The following ABI2 variants were observed in gnomAD, a reference collection of about 807,000 sequenced individuals.
ABI2 encodes abl interactor 2.
Under a neutral mutation model 59.2 loss-of-function variants are expected in ABI2, and 25 were observed. The observed-to-expected ratio is 0.42, with a 90% confidence interval of 0.31 to 0.59. ABI2 has a LOEUF of 0.59. ABI2 is among the 20% of genes least tolerant of loss of function. The pLI is 0.14. For synonymous variants in ABI2, 213 were observed against 235.5 expected (o/e 0.90, Z 0.87); for missense variants, 545 against 681.8 (o/e 0.80, Z 2.23).
At chr2:203,421,401 C>A (rs765713258) in intron 11 of ABI2, among the ~76,000 whole-genome samples, 1 of 152,196 alleles carries the variant, frequency 6.6e-6, no homozygotes, top group Admixed American at 6.5e-5. Flanking sequence ...GATGTATCAT[C>A]AAGGTCTTTC....
At chr2:203,379,649 G>A (rs76803878) in intron 2 of ABI2, among the ~76,000 whole-genome samples, 3,957 of 152,150 alleles carry the variant, frequency 0.026, 169 homozygotes, top group African/African-American at 0.089. Context: ...ATTAATTTCG[G>A]GGGCTTTCTT....
At chr2:203,359,582 T>G (rs978333611) in intron 1 of ABI2, among the ~76,000 whole-genome samples, 1 of 152,230 alleles carries the variant, frequency 6.6e-6, no homozygotes, top group Non-Finnish European at 1.5e-5. Context: ...TGGGGTAACT[T>G]AGCAGAGATT....
intron 2 of ABI2, among the ~76,000 whole-genome samples, chr2:203,371,581 C>G (rs894269688): frequency 1.3e-5 from 2 of 152,106 alleles, no homozygotes; most frequent in Non-Finnish European, 2.9e-5. Flanking sequence ...TCATCTCTAG[C>G]TTTGTTGCTG....
At chr2:203,353,390 C>T (rs528304797) in intron 1 of ABI2, among the ~76,000 whole-genome samples, 31 of 152,274 alleles carry the variant, frequency 2.0e-4, no homozygotes, top group Non-Finnish European at 3.4e-4. Context: ...TTATTTTCAA[C>T]GTTGCAGTTT....
intron 2 of ABI2, among the ~76,000 whole-genome samples, chr2:203,373,853 A>C (rs1290219613): frequency 2.0e-5 from 3 of 152,198 alleles, no homozygotes; most frequent in Non-Finnish European, 2.9e-5. Flanking sequence ...CAAGTAGGGT[A>C]GCTTTTACTG....
intron 1 of ABI2, among the ~76,000 whole-genome samples, chr2:203,358,107 GTGTGTGTT>G (rs1371546036): frequency 6.3e-4 from 91 of 145,198 alleles, no homozygotes; most frequent in Non-Finnish European, 9.5e-4. Flanking sequence ...GTGTGTGTGT[GTGTGTGTT>G]TGTTTGTTTG....
At chr2:203,344,707 A>G (rs1463527660) in intron 1 of ABI2, among the ~76,000 whole-genome samples, 1 of 151,924 alleles carries the variant, frequency 6.6e-6, no homozygotes, top group Non-Finnish European at 1.5e-5. Context: ...AGGATTGTAA[A>G]CACACCAAAC....
At chr2:203,403,436 T>C (rs1204232711) in intron 9 of ABI2, 1 of 154,800 alleles carries the variant, frequency 6.5e-6, no homozygotes, top group Non-Finnish European at 1.5e-5. Context: ...CCTCTCATAC[T>C]GGGTTCAACT....
chr2:203,344,724 CTG>C lies in ABI2; in HGVS notation c.117+16097_117+16098del, dbSNP rs576109755. On this transcript the variant is annotated intron_variant, in intron 1 of 11. Coordinates refer to ENST00000261018, the MANE Select transcript of ABI2 (RefSeq NM_001375670.1). ...GATTGTAAACACACCAAACAGTGCT[CTG>C]TGTCTAGCTAAAGGTTTGTAAGCGC... is the stretch of plus-strand genomic sequence containing the variant. Among the ~76,000 whole-genome samples the C allele has an allele frequency of 1.6e-4, 24 of 152,208 alleles. 1 individual carries two copies. The South Asian group carries it at 5.0e-3, about 32-fold the overall frequency.
rs78578399 is a variant in ABI2 at position 203,424,412 on chromosome 2, CT to C, written c.1454-2763del. ...AAAATGAATATTCATTTAAAAATTA[CT>C]TATCAGGGTCTCGTTCTGTCACCTG... On this transcript the variant is annotated intron_variant, in intron 11 of 11. Coordinates refer to ENST00000261018, the MANE Select transcript of ABI2 (RefSeq NM_001375670.1). Among the ~76,000 whole-genome samples, 16 of 152,180 alleles carry C rather than the reference CT, an allele frequency of 1.1e-4. No homozygotes were observed. In the East Asian group the frequency reaches 3.1e-3, roughly 29 times the overall value.
intron 1 of ABI2, among the ~76,000 whole-genome samples, chr2:203,344,711 A>T (rs2082113947): frequency 6.6e-6 from 1 of 152,036 alleles, no homozygotes; most frequent in Non-Finnish European, 1.5e-5. Context: ...TTGTAAACAC[A>T]CCAAACAGTG....
chr2:203,407,303 C>T (rs2097467179), intron 9 of ABI2, among the ~76,000 whole-genome samples: 1 of 152,112 alleles, frequency 6.6e-6, no homozygotes, highest in Non-Finnish European at 1.5e-5. Flanking sequence ...TTGTTTATTT[C>T]CTTCACTGGG....
intron 2 of ABI2, among the ~76,000 whole-genome samples, chr2:203,376,738 T>C (rs1223510609): frequency 1.3e-5 from 2 of 150,260 alleles, no homozygotes; most frequent in Middle Eastern, 3.2e-3. Context: ...CTTCCCTTTT[T>C]TTTTTTTTTT....
chr2:203,370,294 C>T (rs1487597110), intron 2 of ABI2, among the ~76,000 whole-genome samples: 1 of 148,506 alleles, frequency 6.7e-6, no homozygotes, highest in Non-Finnish European at 1.5e-5. Flanking sequence ...CATGATGTTG[C>T]CCAGGGTGGT....
At chr2:203,358,465 A>C (rs1250753408) in intron 1 of ABI2, among the ~76,000 whole-genome samples, 2 of 152,138 alleles carry the variant, frequency 1.3e-5, no homozygotes, top group Non-Finnish European at 2.9e-5. Flanking sequence ...TAGTTTGAAC[A>C]AACTTAAACA....
At chr2:203,370,995 A>G (rs2153057026) in intron 2 of ABI2, among the ~76,000 whole-genome samples, 1 of 152,342 alleles carries the variant, frequency 6.6e-6, no homozygotes, top group East Asian at 1.9e-4. Flanking sequence ...AGTTGGCCTG[A>G]AAAAGATCAG....
intron 2 of ABI2, among the ~76,000 whole-genome samples, chr2:203,369,332 T>A (rs2094881671): frequency 6.6e-6 from 1 of 152,014 alleles, no homozygotes; most frequent in Admixed American, 6.5e-5. Flanking sequence ...GAGGAACAAG[T>A]TTTACTAGGC....
In ABI2 at chr2:203,385,139, C is replaced by CTTTTTTTTTTTTTTTT. The variant is rs10527327; in HGVS notation, c.480+2946_480+2947insTTTTTTTTTTTTTTTT. ...TGAGCCACCGCACCCGGCTCAGATT[C>CTTTTTTTTTTTTTTTT]TTTTTTTTTTTTTGAGACAGTCTTG... On this transcript the variant is annotated intron_variant, in intron 4 of 11. Coordinates refer to ENST00000261018, the MANE Select transcript of ABI2 (RefSeq NM_001375670.1). 1.1e-3 allele frequency among the ~76,000 whole-genome samples: 79 copies of CTTTTTTTTTTTTTTTT among 69,946 alleles called. 13 individuals carry two copies. The highest frequency in any genetic ancestry group is 4.6e-3 in the Admixed American group (24 of 5,216). The allele number at this position is 69,946 out of a possible 152,430, so 45.9% of individuals were successfully genotyped here. A position where few individuals can be genotyped will look rare whatever the true frequency, so the allele number is the denominator to read the frequency against.
At chr2:203,365,622 C>CTTTTT (rs71007507) in intron 1 of ABI2, among the ~76,000 whole-genome samples, 48 of 63,904 alleles carry the variant, frequency 7.5e-4, no homozygotes, top group African/African-American at 9.6e-4. Flanking sequence ...GGGCTGTTAT[C>CTTTTT]TTTTTTTTTT....
Sources: allele counts gnomAD v4.1 joint callset (sites outside exome capture counted in the v4.1 genomes callset), GRCh38; gene constraint gnomAD v4.1.1; transcripts MANE v1.5; gene names NCBI Gene and HGNC (gene_info 2026-07-23, HGNC 2026-07-21).